Variants in FIBCD1 observed in about 807,000 individuals in gnomAD.
The protein encoded by FIBCD1 is fibrinogen C domain-containing protein 1.
A neutral mutation model predicts 45.1 loss-of-function variants in FIBCD1; 47 were observed. The observed-to-expected ratio is 1.04, with a 90% CI of 0.82 to 1.33. The LOEUF (loss-of-function observed/expected upper bound fraction) is 1.33. Ranked by LOEUF, FIBCD1 falls within the 40% of genes most tolerant of loss-of-function variation. The pLI is 0.00. For missense variants in FIBCD1, 653 were observed against 682.2 expected (o/e 0.96, Z 0.48); for synonymous variants, 313 against 308.1 (o/e 1.02, Z -0.17).
At chr9:130,913,226 T>TC (rs1832095978) in intron 4 of FIBCD1, among the ~76,000 whole-genome samples, 1 of 144,230 alleles carries the variant, frequency 6.9e-6, no homozygotes, top group African/African-American at 2.5e-5. Flanking sequence ...TCCCCAGCCC[T>TC]CCCAGCCCTC....
Position 130,923,822 on chromosome 9 carries a change from G to A in FIBCD1, c.771C>T (p.Val257=), listed in dbSNP as rs1209542832. ...VLLSGQQDDG[V]YSVFPTHYPA... is the part of the protein sequence containing the mutation. ...GGTAGTGGGTGGGAAAGACAGAGTA[G>A]ACGCCATCGTCCTGCTGTCCGCTTA... The change falls in exon 4 of 7, where the codon GTC becomes GTT. Residue 257 remains valine (V), a synonymous_variant. Coordinates refer to ENST00000372338, the MANE Select transcript of FIBCD1 (RefSeq NM_032843.5). 6 of 1,612,950 alleles carry A rather than the reference G, an allele frequency of 3.7e-6. No homozygotes were observed. Among genetic ancestry groups the A allele is most frequent in the Non-Finnish European group, 5.1e-6 (6 of 1,179,998 alleles).
chr9:130,927,885 T>C (rs1832384257), intron 2 of FIBCD1, among the ~76,000 whole-genome samples: 1 of 152,212 alleles, frequency 6.6e-6, no homozygotes, highest in Non-Finnish European at 1.5e-5. Context: ...GGTTTTGAAC[T>C]CCTGACCTCA....
intron 4 of FIBCD1, among the ~76,000 whole-genome samples, chr9:130,915,832 C>T (rs950426836): frequency 6.6e-6 from 1 of 152,236 alleles, no homozygotes; most frequent in African/African-American, 2.4e-5. Flanking sequence ...AAGAAGTGAC[C>T]TGCAGACTGA....
Position 130,929,711 on chromosome 9 carries a change from C to A in FIBCD1, c.408G>T (p.Leu136=). 1 of 1,600,420 alleles carries A rather than the reference C, an allele frequency of 6.2e-7. No homozygotes were observed. The highest frequency in any genetic ancestry group is 8.5e-7 in the Non-Finnish European group (1 of 1,174,506). The part of the protein sequence containing the change: ...PRLVGDQEQE[L]LDTLADQLPR... ...GCAGCTGGTCGGCCAGCGTGTCCAG[C>A]AGCTCCTGCTCCTGGTCGCCCACCA... Residue 136 remains leucine, a synonymous_variant, in exon 2 of 7, where the codon CTG becomes CTT. Transcript: ENST00000372338.
At chr9:130,936,408 T>C (rs1160393573) in intron 1 of FIBCD1, 2 of 152,244 alleles carry the variant, frequency 1.3e-5, no homozygotes, top group African/African-American at 2.4e-5. Flanking sequence ...GAACAGCCTG[T>C]CTACATGCTG....
intron 5 of FIBCD1, among the ~76,000 whole-genome samples, chr9:130,911,445 CCTG>C (rs1216007332): frequency 1.3e-5 from 2 of 152,206 alleles, no homozygotes; most frequent in African/African-American, 2.4e-5. Context: ...CCTCTGTCCT[CCTG>C]CTGCCTGGGA....
chr9:130,913,585 G>T (rs1310572654), intron 4 of FIBCD1, among the ~76,000 whole-genome samples: 1 of 152,224 alleles, frequency 6.6e-6, no homozygotes, highest in Non-Finnish European at 1.5e-5. Context: ...CTCAAACCTG[G>T]CCCAGCTCTG....
Position 130,903,641 on chromosome 9 carries a change from C to T in FIBCD1, c.*423G>A, listed in dbSNP as rs905354006. 17 of 292,588 alleles carry T rather than the reference C, an allele frequency of 5.8e-5. No homozygotes were observed. The highest frequency in any genetic ancestry group is 3.1e-4 in the Admixed American group (7 of 22,314). The allele number at this position is 292,588 out of a possible 1,614,324, so 18.1% of individuals were successfully genotyped here. A position where few individuals can be genotyped will look rare whatever the true frequency, so the allele number is the denominator to read the frequency against. On this transcript the variant is annotated 3_prime_UTR_variant, in exon 7 of 7. Transcript: ENST00000372338. ...CCTCAGAGAGACCTGACGTTCCCCA[C>T]GATCTGCTAGGAGGACTCCAGGGGT...
intron 1 of FIBCD1, among the ~76,000 whole-genome samples, chr9:130,933,667 T>C (rs1335373895): frequency 1.4e-5 from 2 of 139,796 alleles, no homozygotes; most frequent in African/African-American, 5.3e-5. Flanking sequence ...GGGTGACCTC[T>C]GTCCAGGCTA....
chr9:130,912,348 G>A (rs1312213717), intron 4 of FIBCD1, among the ~76,000 whole-genome samples: 2 of 147,766 alleles, frequency 1.4e-5, no homozygotes, highest in African/African-American at 5.0e-5. Context: ...TAAAGCTGCA[G>A]TGAGCTATGA....
At position 130,929,902 on chromosome 9, in the gene FIBCD1, C is replaced by G; in HGVS notation, c.217G>C (p.Ala73Pro). ...GTGACCAGGGCGCTGTTGGCGCTGG[C>G]AGCCCCAGTGCTGACGACAGGTGGG... ...APPPVVSTGAASANSALVTVE... is the reference protein window; with the variant it reads ...APPPVVSTGAPSANSALVTVE... Residue 73 changes from alanine to proline, a missense_variant, in exon 2 of 7, where the codon GCC (alanine) becomes CCC (proline). Coordinates refer to ENST00000372338, the MANE Select transcript of FIBCD1 (RefSeq NM_032843.5). 6.5e-7 allele frequency: 1 copy of G among 1,549,454 alleles called. No homozygotes were observed. The highest frequency in any genetic ancestry group is 1.2e-5 in the South Asian group (1 of 83,990).
At position 130,938,563 on chromosome 9, in the gene FIBCD1, A is replaced by G. The variant is rs1432727656; in HGVS notation, c.45T>C (p.Leu15=). 1 of 1,490,002 alleles carries G rather than the reference A, an allele frequency of 6.7e-7. No individual in the cohort carries two copies. Among genetic ancestry groups the G allele is most frequent in the Admixed American group, 2.2e-5 (1 of 45,018 alleles). The allele number at this position is 1,490,002 out of a possible 1,614,324, so 92.3% of individuals were successfully genotyped here. The change falls in exon 1 of 7, where the codon CTT becomes CTC. Residue 15 remains leucine (L), a synonymous_variant. Coordinates refer to ENST00000372338, the MANE Select transcript of FIBCD1 (RefSeq NM_032843.5). ...GCGGCTTGTCGCGCGGCCGGTCCTC[A>G]AGTTGGGCAGCGCCGCCCATGGTCT... ...RWKTMGGAAQ[L]EDRPRDKPQR...
intron 1 of FIBCD1, among the ~76,000 whole-genome samples, chr9:130,932,791 C>G (rs551194890): frequency 1.3e-5 from 2 of 152,344 alleles, no homozygotes; most frequent in South Asian, 2.1e-4. Context: ...CTGGGCCGTT[C>G]TATGATTTCC....
chr9:130,908,620 A>AG (rs1380769998), intron 5 of FIBCD1, among the ~76,000 whole-genome samples: 1 of 152,122 alleles, frequency 6.6e-6, no homozygotes, highest in African/African-American at 2.4e-5. Flanking sequence ...CCCTTTCCTA[A>AG]GCCTCAACTT....
intron 5 of FIBCD1, among the ~76,000 whole-genome samples, chr9:130,909,417 T>C (rs1035554060): frequency 6.6e-6 from 1 of 152,208 alleles, no homozygotes; most frequent in Admixed American, 6.5e-5. Flanking sequence ...GTGCGTTTCA[T>C]GTATATTCAA....
upstream of FIBCD1, chr9:130,939,305 C>T (rs1832577078): frequency 6.6e-6 from 1 of 152,220 alleles, no homozygotes; most frequent in Non-Finnish European, 1.5e-5. Context: ...TTCCGGCTCC[C>T]TCCCGGCTCA....
At chr9:130,939,378 C>T (rs1221514132), upstream of FIBCD1, 1 of 152,222 alleles carries the variant, frequency 6.6e-6, no homozygotes, top group East Asian at 1.9e-4. Context: ...GGTGCGCCCC[C>T]TGCGGGCCCC....
At chr9:130,917,471 C>G (rs955430650) in intron 4 of FIBCD1, among the ~76,000 whole-genome samples, 2 of 152,080 alleles carry the variant, frequency 1.3e-5, no homozygotes, top group African/African-American at 4.8e-5. Context: ...AGTGACAGCT[C>G]TGGACGCGGA....
intron 4 of FIBCD1, among the ~76,000 whole-genome samples, chr9:130,913,977 G>A (rs1196720599): frequency 6.6e-6 from 1 of 152,056 alleles, no homozygotes; most frequent in African/African-American, 2.4e-5. Context: ...CCCCAGCTTT[G>A]CCTTAGAGAG....
Sources: allele counts gnomAD v4.1 joint callset (sites outside exome capture counted in the v4.1 genomes callset), GRCh38; gene constraint gnomAD v4.1.1; transcripts MANE v1.5; gene names NCBI Gene and HGNC (gene_info 2026-07-23, HGNC 2026-07-21).